DGKB: variants seen among roughly 807,000 people sequenced by gnomAD.
DGKB encodes the protein diacylglycerol kinase beta.
DGKB carries 67 observed loss-of-function variants against 114.3 expected under a neutral mutation model. The ratio of observed to expected loss-of-function variants is 0.59; its 90% CI spans 0.48 to 0.72. The LOEUF (loss-of-function observed/expected upper bound fraction) is 0.72. Among genes scored for constraint, DGKB ranks in the 30% least tolerant of loss-of-function variants. DGKB has a pLI of 0.00. For synonymous variants in DGKB, 398 were observed against 323.1 expected (o/e 1.23, Z -2.49); for missense variants, 907 against 975.2 (o/e 0.93, Z 0.93).
At chr7:14,782,653 G>C (rs1245099995) in intron 2 of DGKB, among the ~76,000 whole-genome samples, 1 of 152,072 alleles carries the variant, frequency 6.6e-6, no homozygotes, top group Non-Finnish European at 1.5e-5. Context: ...TGATGAAGGA[G>C]AGAGTGAATT....
intron 2 of DGKB, among the ~76,000 whole-genome samples, chr7:14,801,887 T>C (rs1291220488): frequency 6.8e-6 from 1 of 147,978 alleles, no homozygotes; most frequent in African/African-American, 2.6e-5. Context: ...TGTGTGTGTG[T>C]ATATATATAT....
chr7:14,748,185 G>T (rs2128426306), intron 4 of DGKB, among the ~76,000 whole-genome samples: 1 of 152,200 alleles, frequency 6.6e-6, no homozygotes, highest in Admixed American at 6.5e-5. Context: ...CTAGGTGTTT[G>T]GGTAAAGATG....
At chr7:14,164,529 A>G (rs1278400290) in intron 25 of DGKB, among the ~76,000 whole-genome samples, 1 of 152,230 alleles carries the variant, frequency 6.6e-6, no homozygotes, top group Admixed American at 6.5e-5. Flanking sequence ...ATTTCAGAGC[A>G]CTGTTTTCAG....
intron 21 of DGKB, among the ~76,000 whole-genome samples, chr7:14,384,529 G>A (rs1299173278): frequency 6.6e-6 from 1 of 152,122 alleles, no homozygotes; most frequent in Non-Finnish European, 1.5e-5. Flanking sequence ...CATAGGCAAA[G>A]CAAAATACAT....
chr7:14,781,892 C>T (rs1290222726), intron 2 of DGKB, among the ~76,000 whole-genome samples: 3 of 151,982 alleles, frequency 2.0e-5, no homozygotes, highest in Admixed American at 2.0e-4. Context: ...ATTTTCTTTC[C>T]TCTCTCCATC....
At chr7:14,786,317 G>C (rs1464600714) in intron 2 of DGKB, among the ~76,000 whole-genome samples, 1 of 152,146 alleles carries the variant, frequency 6.6e-6, no homozygotes, top group African/African-American at 2.4e-5. Flanking sequence ...TTACCAATCA[G>C]GTTGTAATGT....
At chr7:14,180,170 T>C (rs1424967830) in intron 23 of DGKB, among the ~76,000 whole-genome samples, 26 of 146,816 alleles carry the variant, frequency 1.8e-4, no homozygotes, top group Non-Finnish European at 3.6e-4. Flanking sequence ...CATTTAGTAT[T>C]GTAGATTTTG....
At chr7:14,828,833 T>G (rs1484003056) in intron 2 of DGKB, among the ~76,000 whole-genome samples, 1 of 152,150 alleles carries the variant, frequency 6.6e-6, no homozygotes, top group African/African-American at 2.4e-5. Flanking sequence ...ACAGTGATTA[T>G]TGACATAACA....
At chr7:14,664,628 A>T (rs932723549) in intron 13 of DGKB, among the ~76,000 whole-genome samples, 1 of 152,014 alleles carries the variant, frequency 6.6e-6, no homozygotes, top group African/African-American at 2.4e-5. Context: ...TTATATAAAC[A>T]TCACTTTACA....
chr7:14,862,126 T>A (rs556305642), intron 1 of DGKB, among the ~76,000 whole-genome samples: 16 of 152,116 alleles, frequency 1.1e-4, no homozygotes, highest in African/African-American at 3.9e-4. Context: ...GAGAATCTTA[T>A]TTTCTTTCCC....
intron 23 of DGKB, among the ~76,000 whole-genome samples, chr7:14,280,691 G>C (rs6976189): frequency 0.81 from 120,401 of 148,308 alleles, 49,063 homozygotes; most frequent in South Asian, 0.86. Context: ...CCAGAAGAGA[G>C]TGGGGGCCAA....
intron 23 of DGKB, among the ~76,000 whole-genome samples, chr7:14,244,588 T>A (rs577983767): frequency 1.3e-5 from 2 of 148,186 alleles, no homozygotes; most frequent in South Asian, 4.3e-4. Context: ...GGGAATCGCT[T>A]GAATCTGGGA....
intron 9 of DGKB, among the ~76,000 whole-genome samples, chr7:14,687,526 T>C (rs1394105416): frequency 3.3e-5 from 5 of 152,062 alleles, no homozygotes; most frequent in Non-Finnish European, 7.3e-5. Context: ...TTTATATATT[T>C]AACTTTGCTA....
intron 23 of DGKB, among the ~76,000 whole-genome samples, chr7:14,336,028 G>C (rs1367198678): frequency 6.6e-6 from 1 of 152,152 alleles, no homozygotes; most frequent in Non-Finnish European, 1.5e-5. Context: ...GCATGTGTGA[G>C]CCACCATGCC....
intron 23 of DGKB, among the ~76,000 whole-genome samples, chr7:14,213,655 G>C (rs1281164351): frequency 6.6e-6 from 1 of 152,102 alleles, no homozygotes; most frequent in Non-Finnish European, 1.5e-5. Context: ...GTGTCATCCT[G>C]TGGGAACTGG....
At chr7:14,830,161 G>C (rs114241863) in intron 2 of DGKB, among the ~76,000 whole-genome samples, 1 of 151,630 alleles carries the variant, frequency 6.6e-6, no homozygotes, top group Admixed American at 6.6e-5. Flanking sequence ...AAAAAAAATT[G>C]TATGTGTTGA....
chr7:14,160,490 C>A (rs1159710320), intron 25 of DGKB, among the ~76,000 whole-genome samples: 1 of 152,032 alleles, frequency 6.6e-6, no homozygotes, highest in Non-Finnish European at 1.5e-5. Context: ...AACAGACAAA[C>A]AGAGAGCCAA....
intron 23 of DGKB, among the ~76,000 whole-genome samples, chr7:14,315,238 C>T (rs953192737): frequency 1.1e-4 from 17 of 149,894 alleles, no homozygotes; most frequent in Non-Finnish European, 2.5e-4. Flanking sequence ...CGAGCAAAAT[C>T]ACCAGCTAAC....
In DGKB at chr7:14,665,665, A is replaced by AT. The variant is rs1320386333; in HGVS notation, c.1134+7263dup. Among the ~76,000 whole-genome samples the AT allele has an allele frequency of 3.9e-5, 6 of 152,120 alleles. No homozygotes were observed. In the East Asian group the frequency reaches 1.2e-3, roughly 30 times the overall value. On this transcript the variant is annotated intron_variant, in intron 13 of 25. Transcript: ENST00000402815. ...TTTACTCTTCAAAGTTTAAAATGTG[A>AT]TTTTCTCATGAGATATCTCAAGTCT...
Sources: gnomAD v4.1 joint callset for allele counts (sites outside exome capture counted in the v4.1 genomes callset) on GRCh38, gnomAD v4.1.1 for gene constraint, MANE v1.5 for transcripts, NCBI Gene and HGNC (gene_info 2026-07-23, HGNC 2026-07-21) for gene names.